Variants in DUSP4 observed in about 807,000 individuals in gnomAD.
DUSP4 encodes the protein dual specificity protein phosphatase 4.
In DUSP4, 12 loss-of-function variants were observed where a neutral mutation model predicts 27.2. The ratio of observed to expected loss-of-function variants is 0.44; its 90% CI spans 0.28 to 0.71. The LOEUF (loss-of-function observed/expected upper bound fraction) is 0.71. DUSP4 is among the 30% of genes least tolerant of loss of function. DUSP4 has a pLI of 0.14. For missense variants in DUSP4, 448 were observed against 551.3 expected (o/e 0.81, Z 1.88); for synonymous variants, 257 against 245.2 (o/e 1.05, Z -0.45).
intron 1 of DUSP4, among the ~76,000 whole-genome samples, chr8:29,342,567 C>T (rs1306620638): frequency 6.6e-6 from 1 of 152,124 alleles, no homozygotes; most frequent in East Asian, 1.9e-4. Context: ...CTCCTGGAAA[C>T]CTGTCTCTTG....
intron 1 of DUSP4, chr8:29,348,289 CA>C (rs1817764697): frequency 1.0e-6 from 1 of 985,464 alleles, no homozygotes; most frequent in African/African-American, 1.7e-5. Context: ...TCATCTCTCC[CA>C]CCAGCGCCGA....
intron 1 of DUSP4, chr8:29,345,960 C>T (rs964577045): frequency 8.1e-6 from 8 of 991,602 alleles, no homozygotes; most frequent in Non-Finnish European, 9.6e-6. Context: ...AGCAGAAAAG[C>T]GAGTCATTTT....
At chr8:29,341,063 G>A (rs1257163659) in intron 1 of DUSP4, among the ~76,000 whole-genome samples, 2 of 152,218 alleles carry the variant, frequency 1.3e-5, no homozygotes, top group African/African-American at 2.4e-5. Flanking sequence ...AACCTTTCAA[G>A]CCCTATCTCT....
Position 29,350,643 on chromosome 8 carries a change from C to G in DUSP4, c.-365G>C, listed in dbSNP as rs2117281056. Reference sequence around the variant, plus strand: ...TGTCGCCACTGGCGCCAGCGCTGCCCTGCCTACGCTCCTCCGGCGCTCAGC... The same window carrying G: ...TGTCGCCACTGGCGCCAGCGCTGCCGTGCCTACGCTCCTCCGGCGCTCAGC... On this transcript the variant is annotated 5_prime_UTR_variant, in exon 1 of 4. Coordinates refer to ENST00000240100, the MANE Select transcript of DUSP4 (RefSeq NM_001394.7). 1 of 248,154 alleles carries G rather than the reference C, an allele frequency of 4.0e-6. No individual in the cohort carries two copies. Among genetic ancestry groups the G allele is most frequent in the Admixed American group, 5.5e-5 (1 of 18,218 alleles). 15.4% of individuals were successfully genotyped at this position (248,154 alleles called of 1,614,324 possible). A position where few individuals can be genotyped will look rare whatever the true frequency, so the allele number is the denominator to read the frequency against.
rs1271325291 is a variant in DUSP4 at position 29,350,156 on chromosome 8, G to A, written c.123C>T (p.Ser41=). 4 of 1,609,584 alleles carry A rather than the reference G, an allele frequency of 2.5e-6. No individual in the cohort carries two copies. Among genetic ancestry groups the A allele is most frequent in the Non-Finnish European group, 3.4e-6 (4 of 1,179,302 alleles). ...AGTCCAGCAGCAGGCACTTGCCGCCGCTCGGCAGCCCCAGGGTGCCGTGGC... is the reference window on the plus strand; with the variant it reads ...AGTCCAGCAGCAGGCACTTGCCGCCACTCGGCAGCCCCAGGGTGCCGTGGC... ...SGSHGTLGLP[S]GGKCLLLDCR... Residue 41 remains serine (S), a synonymous_variant, in exon 1 of 4, where the codon AGC becomes AGT. Transcript: ENST00000240100.
At chr8:29,347,004 C>T (rs1000933015) in intron 1 of DUSP4, among the ~76,000 whole-genome samples, 8 of 152,220 alleles carry the variant, frequency 5.3e-5, no homozygotes. Context: ...TTTACAGACA[C>T]GCACAGGCAC....
At chr8:29,349,768 C>T in intron 1 of DUSP4, 78 bp downstream of exon 1, 1 of 1,411,422 alleles carries the variant, frequency 7.1e-7, no homozygotes, top group African/African-American at 1.5e-5. Context: ...GGGACTCCTT[C>T]CCGTGCCAAT....
rs1817526482 is a variant in DUSP4 at position 29,333,542 on chromosome 8, A to G, written c.*3484T>C. On this transcript the variant is annotated 3_prime_UTR_variant, in exon 4 of 4. Transcript: ENST00000240100. ...CTCAGCCAGGCTGGGACTGGCAGTG[A>G]GGCCATGCTGAGCCAGTGGCAAACC... 1 of 152,280 alleles carries G rather than the reference A, an allele frequency of 6.6e-6. No homozygotes were observed. The allele number at this position is 152,280 out of a possible 1,614,324, so 9.4% of individuals were successfully genotyped here.
At chr8:29,340,932 T>TA (rs906579826) in intron 1 of DUSP4, among the ~76,000 whole-genome samples, 2 of 151,890 alleles carry the variant, frequency 1.3e-5, no homozygotes, top group African/African-American at 2.4e-5. Flanking sequence ...ATCTTTTAAA[T>TA]AAAAAAAGAA....
chr8:29,349,226 C>T (rs1261548980), intron 1 of DUSP4, among the ~76,000 whole-genome samples: 1 of 152,260 alleles, frequency 6.6e-6, no homozygotes, highest in Non-Finnish European at 1.5e-5. Context: ...GCTCCCAGAG[C>T]CTGGATCTAG....
chr8:29,343,310 G>A (rs1280566742), intron 1 of DUSP4, among the ~76,000 whole-genome samples: 1 of 152,204 alleles, frequency 6.6e-6, no homozygotes, highest in African/African-American at 2.4e-5. Flanking sequence ...ACTAAAGGGG[G>A]TTCCTTTTGG....
chr8:29,349,620 T>C (rs1329434403), intron 1 of DUSP4, among the ~76,000 whole-genome samples: 1 of 152,206 alleles, frequency 6.6e-6, no homozygotes, highest in Non-Finnish European at 1.5e-5. Context: ...CGGTGCGGAA[T>C]TGCAGGTGAC....
At position 29,350,439 on chromosome 8, in the gene DUSP4, G is replaced by T; in HGVS notation, c.-161C>A. 1 of 833,000 alleles carries T rather than the reference G, an allele frequency of 1.2e-6. No homozygotes were observed. Among genetic ancestry groups the T allele is most frequent in the Non-Finnish European group, 1.8e-6 (1 of 561,642 alleles). 51.6% of individuals were successfully genotyped at this position (833,000 alleles called of 1,614,324 possible). ...CCCGCGGGAGAGCCTCTTCTTCCCT[G>T]TCCCCTTCCTCCCGCAGCCTCGCGG... On this transcript the variant is annotated 5_prime_UTR_variant, in exon 1 of 4. Transcript: ENST00000240100.
intron 1 of DUSP4, among the ~76,000 whole-genome samples, chr8:29,344,238 C>A (rs758219947): frequency 2.0e-5 from 3 of 152,314 alleles, no homozygotes; most frequent in South Asian, 4.1e-4. Flanking sequence ...TACTTATTTG[C>A]GTGTCAGTTT....
rs1347551502 is a variant in DUSP4, at chr8:29,344,846, T to C, written c.434-4603A>G. On this transcript the variant is annotated intron_variant, in intron 1 of 3. Transcript: ENST00000240100. Reference sequence around the variant, plus strand: ...GGTCATGGATCTTTTTTTTTTTTTTTTCCCCAGACAGGGTCTGTCACTGTC... The same window carrying C: ...GGTCATGGATCTTTTTTTTTTTTTTCTCCCCAGACAGGGTCTGTCACTGTC... Among the ~76,000 whole-genome samples the C allele has an allele frequency of 3.0e-3, 453 of 149,938 alleles. 5 individuals carry two copies. Among genetic ancestry groups the C allele is most frequent in the African/African-American group, 0.011 (434 of 40,732 alleles).
rs1172895857 is a variant in DUSP4 at position 29,349,922 on chromosome 8, G to A, written c.357C>T (p.Arg119=). 2 of 1,592,620 alleles carry A rather than the reference G, an allele frequency of 1.3e-6. No individual in the cohort carries two copies. The highest frequency in any genetic ancestry group is 8.5e-7 in the Non-Finnish European group (1 of 1,173,892). ...DERSPRAESL[R]EDSTVSLVVQ... ...CCACCAGCGACACGGTGCTGTCCTCGCGGAGGCTCTCGGCGCGCGGGCTGC... is the reference window on the plus strand; with the variant it reads ...CCACCAGCGACACGGTGCTGTCCTCACGGAGGCTCTCGGCGCGCGGGCTGC... The change falls in exon 1 of 4, where the codon CGC becomes CGT. Residue 119 remains arginine, a synonymous_variant. Coordinates refer to ENST00000240100, the MANE Select transcript of DUSP4 (RefSeq NM_001394.7).
Position 29,346,623 on chromosome 8 carries a change from T to A in DUSP4, c.433+3223A>T, listed in dbSNP as rs763178423. Among the ~76,000 whole-genome samples, 17 of 152,178 alleles carry A rather than the reference T, an allele frequency of 1.1e-4. No individual in the cohort carries two copies. The East Asian group carries it at 1.2e-3, about 10-fold the overall frequency. On this transcript the variant is annotated intron_variant, in intron 1 of 3. Transcript: ENST00000240100. Reference sequence around the variant, plus strand: ...ACAAGATTTTAAATTAAATGAGTTTTAAAAAAATTACCCCACTGGAAATCC... The same window carrying A: ...ACAAGATTTTAAATTAAATGAGTTTAAAAAAAATTACCCCACTGGAAATCC...
intron 1 of DUSP4, chr8:29,345,722 C>T: frequency 7.3e-7 from 1 of 1,371,328 alleles, no homozygotes; most frequent in Non-Finnish European, 9.3e-7. Flanking sequence ...CAGGATAAGC[C>T]CAAGGAAGTT....
chr8:29,336,971 G>A lies in DUSP4; in HGVS notation c.*55C>T. 1 of 1,478,630 alleles carries A rather than the reference G, an allele frequency of 6.8e-7. No homozygotes were observed. Among genetic ancestry groups the A allele is most frequent in the Non-Finnish European group, 9.0e-7 (1 of 1,114,646 alleles). 91.6% of individuals were successfully genotyped at this position (1,478,630 alleles called of 1,614,324 possible). A position where few individuals can be genotyped will look rare whatever the true frequency, so the allele number is the denominator to read the frequency against. ...AGTCCCAACTTTCTGCCCGCATGCG[G>A]CCCGTCCTACCCTTGCTGGGAGCCA... is the stretch of plus-strand genomic sequence containing the variant. On this transcript the variant is annotated 3_prime_UTR_variant, in exon 4 of 4. Transcript: ENST00000240100.
Sources: gnomAD v4.1 joint callset for allele counts (sites outside exome capture counted in the v4.1 genomes callset) on GRCh38, gnomAD v4.1.1 for gene constraint, MANE v1.5 for transcripts, NCBI Gene and HGNC (gene_info 2026-07-23, HGNC 2026-07-21) for gene names.